Variants in KLHL32 observed in about 807,000 individuals in gnomAD.
KLHL32 encodes kelch like family member 32.
Under a neutral mutation model 64.8 loss-of-function variants are expected in KLHL32, and 35 were observed. The ratio of observed to expected loss-of-function variants is 0.54; its 90% CI spans 0.41 to 0.72. The LOEUF is 0.72. KLHL32 is among the 30% of genes least tolerant of loss of function. KLHL32 has a pLI of 0.00. For missense variants in KLHL32, 589 were observed against 768.5 expected (o/e 0.77, Z 2.76); for synonymous variants, 259 against 281.0 (o/e 0.92, Z 0.78).
intron 3 of KLHL32, among the ~76,000 whole-genome samples, chr6:96,982,682 G>A (rs1002322637): frequency 3.3e-5 from 5 of 152,132 alleles, no homozygotes; most frequent in African/African-American, 1.2e-4. Context: ...TTCTCTGTTT[G>A]TCTGTTACTG....
At chr6:96,964,354 T>A (rs1183751656) in intron 1 of KLHL32, among the ~76,000 whole-genome samples, 3 of 152,218 alleles carry the variant, frequency 2.0e-5, no homozygotes, top group Non-Finnish European at 4.4e-5. Context: ...GAGAAACTTT[T>A]TATAAAAACA....
intron 3 of KLHL32, among the ~76,000 whole-genome samples, chr6:97,023,436 TTAAAAC>T (rs1782286721): frequency 6.6e-6 from 1 of 152,230 alleles, no homozygotes; most frequent in Non-Finnish European, 1.5e-5. Context: ...CTGATTTTCT[TTAAAAC>T]TAAATATATA....
At chr6:96,916,673 T>C in the KLHL32 span, among the ~76,000 whole-genome samples, 88,889 of 152,028 alleles carry the variant, frequency 0.58, 26,562 homozygotes, top group African/African-American at 0.7. Context: ...CAAAAATTTT[T>C]GTATGTCTTT....
intron 1 of KLHL32, among the ~76,000 whole-genome samples, chr6:96,958,575 T>C (rs1310997225): frequency 1.3e-5 from 2 of 152,194 alleles, no homozygotes; most frequent in Non-Finnish European, 2.9e-5. Flanking sequence ...GAAGGGGTAC[T>C]AATTTAAGAA....
chr6:96,949,818 G>T (rs1053649801), intron 1 of KLHL32, among the ~76,000 whole-genome samples: 1 of 152,000 alleles, frequency 6.6e-6, no homozygotes, highest in African/African-American at 2.4e-5. Flanking sequence ...GTAAAACTAA[G>T]GAAGGGAAAT....
chr6:97,069,510 A>G (rs756010911), intron 5 of KLHL32, among the ~76,000 whole-genome samples: 1 of 151,298 alleles, frequency 6.6e-6, no homozygotes, highest in Non-Finnish European at 1.5e-5. Flanking sequence ...GGCTGAAGGT[A>G]TCTGAGTGCT....
At chr6:97,130,654 G>A (rs1799339982) in intron 8 of KLHL32, 103 bp from the exon 9 acceptor site, 2 of 784,366 alleles carry the variant, frequency 2.5e-6, no homozygotes, top group African/African-American at 1.7e-5. Context: ...TTGATCTATT[G>A]ATTGATAAAC....
chr6:96,929,787 T>C (rs182362635), intron 1 of KLHL32, among the ~76,000 whole-genome samples: 5 of 152,332 alleles, frequency 3.3e-5, no homozygotes, highest in Admixed American at 1.3e-4. Context: ...AAACGAACTA[T>C]GTAGGAAAAA....
intron 9 of KLHL32, 61 bp from the exon 10 acceptor site, chr6:97,132,592 G>C (rs550635711): frequency 2.3e-6 from 3 of 1,298,504 alleles, no homozygotes; most frequent in East Asian, 2.3e-5. Flanking sequence ...TGGCAAAAGG[G>C]TTAATTAAAA....
intron 1 of KLHL32, among the ~76,000 whole-genome samples, chr6:96,942,772 A>G (rs1265057084): frequency 2.0e-5 from 3 of 151,712 alleles, no homozygotes; most frequent in Non-Finnish European, 2.9e-5. Flanking sequence ...ATTGAAAAAG[A>G]CTTTCCCCAG....
chr6:97,130,600 A>G (rs1799334114), intron 8 of KLHL32, among the ~76,000 whole-genome samples, 157 bp from the exon 9 acceptor site: 1 of 152,222 alleles, frequency 6.6e-6, no homozygotes, highest in African/African-American at 2.4e-5. Flanking sequence ...TCATGTAAGA[A>G]GCCCATACCT....
chr6:96,908,497 G>A, the KLHL32 span, among the ~76,000 whole-genome samples: 1 of 152,140 alleles, frequency 6.6e-6, no homozygotes, highest in Non-Finnish European at 1.5e-5. Flanking sequence ...TAGTGAATCA[G>A]AACACTTGGA....
At chr6:97,129,372 G>T (rs1799201406) in intron 8 of KLHL32, among the ~76,000 whole-genome samples, 1 of 152,106 alleles carries the variant, frequency 6.6e-6, no homozygotes, top group South Asian at 2.1e-4. Context: ...TGTTTATGTA[G>T]AAAGAAAACT....
intron 3 of KLHL32, among the ~76,000 whole-genome samples, chr6:97,013,302 T>A (rs981407967): frequency 1.3e-5 from 2 of 152,208 alleles, no homozygotes; most frequent in Admixed American, 1.3e-4. Flanking sequence ...TATTAGAATG[T>A]CCTCTCTATT....
upstream of KLHL32, among the ~76,000 whole-genome samples, chr6:96,919,661 T>C (rs1768691169): frequency 1.3e-5 from 2 of 152,198 alleles, no homozygotes; most frequent in Non-Finnish European, 1.5e-5. Flanking sequence ...CTTTTATAAA[T>C]TGATTCTAAA....
chr6:96,947,564 T>C (rs560937188), intron 1 of KLHL32, among the ~76,000 whole-genome samples: 1 of 152,302 alleles, frequency 6.6e-6, no homozygotes, highest in Non-Finnish European at 1.5e-5. Context: ...TCACATCTCT[T>C]CTCTGATGCT....
the KLHL32 span, among the ~76,000 whole-genome samples, chr6:96,915,744 T>C: frequency 1.3e-5 from 2 of 152,162 alleles, no homozygotes; most frequent in Non-Finnish European, 2.9e-5. Flanking sequence ...TATGTATATA[T>C]GATTCCATGT....
chr6:97,081,494 G>A (rs1218882729), intron 5 of KLHL32, among the ~76,000 whole-genome samples: 2 of 152,216 alleles, frequency 1.3e-5, no homozygotes, highest in African/African-American at 4.8e-5. Context: ...AACCCCAGAT[G>A]CCAGAACATG....
chr6:96,944,529 A>T (rs1350727419), intron 1 of KLHL32, among the ~76,000 whole-genome samples: 1 of 152,190 alleles, frequency 6.6e-6, no homozygotes, highest in Non-Finnish European at 1.5e-5. Context: ...TATGGGTTTT[A>T]TGAGTTTGAT....
Sources: allele counts gnomAD v4.1 joint callset (sites outside exome capture counted in the v4.1 genomes callset), GRCh38; gene constraint gnomAD v4.1.1; transcripts MANE v1.5; gene names NCBI Gene and HGNC (gene_info 2026-07-23, HGNC 2026-07-21).